IL3RA: variants seen among roughly 807,000 people sequenced by gnomAD.
IL3RA encodes interleukin 3 receptor subunit alpha, also known as interleukin-3 receptor subunit alpha.
In IL3RA, 73 loss-of-function variants were observed where a neutral mutation model predicts 52.3. That is an observed-to-expected ratio of 1.40 (90% CI 1.16 to 1.70). The LOEUF is 1.70. Among genes scored for constraint, IL3RA ranks in the 40% most tolerant of loss-of-function variants. The pLI is 0.00. For missense variants in IL3RA, 664 were observed against 504.4 expected, an observed-to-expected ratio of 1.32 and a Z score of -3.03; for synonymous variants, 260 against 194.0, an observed-to-expected ratio of 1.34 and a Z score of -2.83.
rs373044307 is a variant in IL3RA at position 1,382,521 on chromosome X, G to A, written c.*56G>A. On this transcript the variant is annotated 3_prime_UTR_variant, in exon 12 of 12. Transcript: ENST00000331035. ...CTCAATCTCCCTGGCCGGGCCAGGC[G>A]CCTGCACAGACTGGCTGCTGGACCT... is the stretch of plus-strand genomic sequence containing the variant. The A allele has an allele frequency of 3.5e-4, 530 of 1,500,514 alleles. No individual in the cohort carries two copies. In the African/African-American group the frequency reaches 6.2e-3, roughly 18 times the overall value. The allele number at this position is 1,500,514 out of a possible 1,614,324, so 92.9% of individuals were successfully genotyped here.
At chrX:1,343,857 A>G (rs73178933) in intron 2 of IL3RA, among the ~76,000 whole-genome samples, 78,254 of 144,090 alleles carry the variant, frequency 0.54, 24,392 homozygotes, top group African/African-American at 0.88. Flanking sequence ...GTGCAGTGGC[A>G]CGATCTCAGC....
chrX:1,367,721 G>T (rs1385515742), intron 9 of IL3RA, among the ~76,000 whole-genome samples: 4 of 124,942 alleles, frequency 3.2e-5, no homozygotes, highest in Non-Finnish European at 5.1e-5. Context: ...GGGTGAGCGG[G>T]GTGCGCCGGG....
intron 6 of IL3RA, among the ~76,000 whole-genome samples, chrX:1,355,563 G>C (rs1365035003): frequency 1.3e-5 from 2 of 151,060 alleles, no homozygotes; most frequent in East Asian, 2.0e-4. Context: ...GCTGGTAGTC[G>C]GGTCACACCT....
chrX:1,349,240 G>A (rs1173405509), intron 4 of IL3RA, among the ~76,000 whole-genome samples: 4 of 149,572 alleles, frequency 2.7e-5, no homozygotes, highest in African/African-American at 9.9e-5. Context: ...GGAGTGCACT[G>A]GCGCGATCTC....
intron 8 of IL3RA, among the ~76,000 whole-genome samples, chrX:1,361,676 C>T (rs1388433481): frequency 4.0e-5 from 6 of 150,686 alleles, no homozygotes; most frequent in Non-Finnish European, 7.4e-5. Flanking sequence ...TCGCTTGAAC[C>T]CGGGAGGCAG....
chrX:1,346,976 C>T (rs763746419), intron 3 of IL3RA, among the ~76,000 whole-genome samples: 8 of 150,994 alleles, frequency 5.3e-5, no homozygotes, highest in African/African-American at 2.0e-4. Flanking sequence ...ATAAAACAGT[C>T]TAGAATCCCA....
At chrX:1,358,987 TAATAA>T (rs1179099278) in intron 8 of IL3RA, 100 bp downstream of exon 8, 6 of 813,272 alleles carry the variant, frequency 7.4e-6, no homozygotes, top group South Asian at 4.0e-5. Flanking sequence ...TAATTCTTAT[TAATAA>T]AATAATGAAA....
chrX:1,347,972 G>A (rs1315741610), intron 3 of IL3RA, among the ~76,000 whole-genome samples: 6 of 150,548 alleles, frequency 4.0e-5, no homozygotes, highest in East Asian at 2.0e-4. Context: ...GGGAGGGAGA[G>A]GCTACAGTGA....
chrX:1,347,394 G>A (rs752828385), intron 3 of IL3RA, among the ~76,000 whole-genome samples: 4 of 151,452 alleles, frequency 2.6e-5, no homozygotes, highest in East Asian at 3.9e-4. Context: ...GCAGTGAGCC[G>A]AGATCGCGCC....
At chrX:1,379,072 G>A (rs1416603994) in intron 10 of IL3RA, among the ~76,000 whole-genome samples, 1 of 152,068 alleles carries the variant, frequency 6.6e-6, no homozygotes, top group Admixed American at 6.6e-5. Flanking sequence ...TGAATTCCTG[G>A]ACTCAGGTGA....
At chrX:1,363,510 G>A (rs1181312334) in intron 8 of IL3RA, among the ~76,000 whole-genome samples, 3 of 149,796 alleles carry the variant, frequency 2.0e-5, no homozygotes, top group Non-Finnish European at 3.0e-5. Flanking sequence ...CTGTGGTCTC[G>A]ATCTCCTGAC....
intron 9 of IL3RA, among the ~76,000 whole-genome samples, chrX:1,370,561 C>T (rs1388486396): frequency 6.8e-5 from 1 of 14,750 alleles, no homozygotes; most frequent in African/African-American, 5.4e-4. Context: ...CACAGAGGGA[C>T]GACCCTGTGG....
intron 10 of IL3RA, among the ~76,000 whole-genome samples, chrX:1,380,748 A>G (rs1305371757): frequency 6.6e-6 from 1 of 151,096 alleles, no homozygotes; most frequent in Non-Finnish European, 1.5e-5. Context: ...TCGTAAACTC[A>G]GTGACCTGAG....
chrX:1,343,326 A>G (rs2085567664), intron 2 of IL3RA, among the ~76,000 whole-genome samples: 1 of 151,988 alleles, frequency 6.6e-6, no homozygotes, highest in South Asian at 2.1e-4. Flanking sequence ...GAAATAGTTG[A>G]TGTATGTTTC....
chrX:1,348,416 C>G lies in IL3RA; in HGVS notation c.184-15C>G, dbSNP rs1489050758. The G allele has an allele frequency of 5.3e-5, 84 of 1,579,536 alleles. No individual in the cohort carries two copies. Among genetic ancestry groups the G allele is most frequent in the Non-Finnish European group, 6.8e-5 (78 of 1,148,728 alleles). On this transcript the variant is annotated splice_polypyrimidine_tract_variant and intron_variant, in intron 3 of 11. Coordinates refer to ENST00000331035, the MANE Select transcript of IL3RA (RefSeq NM_002183.4). ...TGGTCTGTCAGCAGCCATCATAGTC[C>G]TATGTCTCTCTTAGGCAGTGAACAA...
chrX:1,381,934 TTTTGTTTTGTTTTG>T (rs1390669426), intron 11 of IL3RA, among the ~76,000 whole-genome samples: 1 of 109,756 alleles, frequency 9.1e-6, no homozygotes, highest in African/African-American at 3.0e-5. Context: ...GAGTTTTTTG[TTTTGTTTTGTTTTG>T]TTTGTTTTTG....
Position 1,347,766 on chromosome X carries a change from C to T in IL3RA, c.184-665C>T, listed in dbSNP as rs778793022. Reference sequence around the variant, plus strand: ...TTTAGAAAAAAATTGTGGCCGGGCGCGGTGGCTCACGCCTGTCATCCCAGC... The same window carrying T: ...TTTAGAAAAAAATTGTGGCCGGGCGTGGTGGCTCACGCCTGTCATCCCAGC... On this transcript the variant is annotated intron_variant, in intron 3 of 11. Transcript: ENST00000331035. Among the ~76,000 whole-genome samples the T allele has an allele frequency of 2.2e-4, 33 of 151,770 alleles. 1 individual carries two copies. Among genetic ancestry groups the T allele is most frequent in the South Asian group, 8.3e-4 (4 of 4,804 alleles).
chrX:1,339,668 G>T (rs555056131), intron 1 of IL3RA, among the ~76,000 whole-genome samples: 1,664 of 152,102 alleles, frequency 0.011, 35 homozygotes, highest in African/African-American at 0.038. Flanking sequence ...GGCGGACACC[G>T]GTAATCCCAT....
At position 1,362,784 on chromosome X, in the gene IL3RA, T is replaced by TATTG. The variant is rs2087558500; in HGVS notation, c.760-2351_760-2350insGATT. ...CGTGTCTCCTTTTTATTTATTTATT[T>TATTG]ATTTATTTTGAGACAGAGTCTCGCT... On this transcript the variant is annotated intron_variant, in intron 8 of 11. Transcript: ENST00000331035. Among the ~76,000 whole-genome samples the TATTG allele has an allele frequency of 9.9e-5, 15 of 151,824 alleles. No individual in the cohort carries two copies. In the South Asian group the frequency reaches 3.1e-3, roughly 32 times the overall value.
Sources: gnomAD v4.1 joint callset for allele counts (sites outside exome capture counted in the v4.1 genomes callset) on GRCh38, gnomAD v4.1.1 for gene constraint, MANE v1.5 for transcripts, NCBI Gene and HGNC (gene_info 2026-07-23, HGNC 2026-07-21) for gene names.